HMCN1: variants seen among roughly 807,000 people sequenced by gnomAD.
HMCN1 encodes hemicentin-1.
Under a neutral mutation model 625.9 loss-of-function variants are expected in HMCN1, and 321 were observed. That is an observed-to-expected ratio of 0.51 (90% confidence interval 0.47 to 0.56). The LOEUF is 0.56. HMCN1 is among the 20% of genes least tolerant of loss of function. The probability of loss-of-function intolerance (pLI) is 0.00; values close to 1 mark genes in which losing one functional copy is unlikely to be tolerated. For missense variants in HMCN1, 6,588 were observed against 6,887.3 expected (o/e 0.96, Z 1.54); for synonymous variants, 2,425 against 2,417.6 (o/e 1.00, Z -0.09).
rs950774787 is a variant in HMCN1 at position 185,890,290 on chromosome 1, T to C, written c.622-19047T>C. Among the ~76,000 whole-genome samples the C allele has an allele frequency of 1.8e-4, 26 of 148,204 alleles. 3 individuals are homozygous for C. Among genetic ancestry groups the C allele is most frequent in the African/African-American group, 6.9e-4 (26 of 37,622 alleles). On this transcript the variant is annotated intron_variant, in intron 4 of 106. Transcript: ENST00000271588. ...CTGGATTCATTAATTTTTTGAAAGG[T>C]TTTTTGTGTCTCAATTTCCTTCAGT...
intron 4 of HMCN1, among the ~76,000 whole-genome samples, chr1:185,879,815 T>A (rs1053601274): frequency 6.6e-6 from 1 of 152,074 alleles, no homozygotes; most frequent in African/African-American, 2.4e-5. Context: ...TTACAAGAGT[T>A]GAGGAGGTCA....
chr1:186,158,675 C>T lies in HMCN1; in HGVS notation c.15256+4688C>T, dbSNP rs568029171. ...ATATGGCTAGCCAGTTTTTCCAGCA[C>T]CATTTATTAAATAGGGAGTCCTTTC... On this transcript the variant is annotated intron_variant, in intron 97 of 106. Coordinates refer to ENST00000271588, the MANE Select transcript of HMCN1 (RefSeq NM_031935.3). Among the ~76,000 whole-genome samples, 772 of 152,112 alleles carry T rather than the reference C, an allele frequency of 5.1e-3. 8 individuals are homozygous for T. Among genetic ancestry groups the T allele is most frequent in the African/African-American group, 0.018 (729 of 41,404 alleles).
At chr1:185,826,336 C>T (rs560647226) in intron 1 of HMCN1, among the ~76,000 whole-genome samples, 1 of 152,252 alleles carries the variant, frequency 6.6e-6, no homozygotes, top group East Asian at 1.9e-4. Context: ...AAATGAAAAA[C>T]AGAAATTTAA....
At chr1:185,996,626 T>C (rs948773549) in intron 24 of HMCN1, among the ~76,000 whole-genome samples, 2 of 151,998 alleles carry the variant, frequency 1.3e-5, no homozygotes, top group Non-Finnish European at 2.9e-5. Flanking sequence ...GTATAGACTA[T>C]TGTAGTAGCC....
intron 1 of HMCN1, among the ~76,000 whole-genome samples, chr1:185,827,248 A>C (rs1367886970): frequency 6.6e-6 from 1 of 151,928 alleles, no homozygotes; most frequent in Non-Finnish European, 1.5e-5. Context: ...GCTCAGGAGA[A>C]AATAATAGCT....
At chr1:185,740,973 A>G (rs541757181) in intron 1 of HMCN1, among the ~76,000 whole-genome samples, 2 of 152,184 alleles carry the variant, frequency 1.3e-5, no homozygotes, top group African/African-American at 4.8e-5. Flanking sequence ...AAGCCTGGGC[A>G]ATAGAGGAAG....
intron 15 of HMCN1, among the ~76,000 whole-genome samples, chr1:185,977,430 C>G (rs1277265886): frequency 3.9e-5 from 6 of 152,040 alleles, no homozygotes; most frequent in African/African-American, 1.4e-4. Flanking sequence ...ATAAAGCCAA[C>G]TTATTTATAA....
intron 1 of HMCN1, among the ~76,000 whole-genome samples, chr1:185,766,989 A>C (rs1165420984): frequency 6.6e-6 from 1 of 151,748 alleles, no homozygotes; most frequent in Non-Finnish European, 1.5e-5. Flanking sequence ...TTTGAGGAAA[A>C]AATAGAATTC....
intron 1 of HMCN1, among the ~76,000 whole-genome samples, chr1:185,750,640 T>C (rs543842987): frequency 1.3e-5 from 2 of 152,320 alleles, no homozygotes; most frequent in African/African-American, 2.4e-5. Context: ...CCATATCTGA[T>C]TGGTATTTGT....
At chr1:185,920,518 C>T (rs747391571) in intron 6 of HMCN1, among the ~76,000 whole-genome samples, 2 of 152,092 alleles carry the variant, frequency 1.3e-5, no homozygotes, top group African/African-American at 4.8e-5. Context: ...TCTTATTTTG[C>T]ATACTTTATT....
chr1:185,980,853 T>C (rs1651579499), intron 16 of HMCN1, 125 bp from the exon 17 acceptor site: 1 of 758,758 alleles, frequency 1.3e-6, no homozygotes, highest in Admixed American at 1.7e-5. Flanking sequence ...CTGGTTTCTG[T>C]GTATGTCCCT....
chr1:186,145,529 G>C lies in HMCN1; in HGVS notation c.14393G>C (p.Gly4798Ala). The C allele has an allele frequency of 6.2e-7, 1 of 1,614,082 alleles. No homozygotes were observed. The highest frequency in any genetic ancestry group is 2.2e-5 in the East Asian group (1 of 44,854). Reference sequence around the variant, plus strand: ...TCCAATGGGGGAAGAGCTTGTGGGGGACCAGACTCCCAGATCCAGAGGTGC... The same window carrying C: ...TCCAATGGGGGAAGAGCTTGTGGGGCACCAGACTCCCAGATCCAGAGGTGC... ...PPSNGGRACG[G>A]PDSQIQRCNT... Residue 4798 changes from glycine to alanine, a missense_variant, in exon 92 of 107, where the codon GGA (glycine) becomes GCA (alanine). By Grantham distance (60) the Gly-to-Ala change is moderately conservative. This residue lies in a region of HMCN1 where 1,954 missense variants were observed against 2,013.1 expected (regional missense o/e 0.97). Coordinates refer to ENST00000271588, the MANE Select transcript of HMCN1 (RefSeq NM_031935.3).
chr1:186,068,868 C>CA (rs397862240), intron 50 of HMCN1, among the ~76,000 whole-genome samples: 1,723 of 75,714 alleles, frequency 0.023, 21 homozygotes, highest in Non-Finnish European at 0.027. Flanking sequence ...GACTCGGTCT[C>CA]AAAAAAAAAA....
intron 23 of HMCN1, among the ~76,000 whole-genome samples, chr1:185,994,449 T>C (rs557617365): frequency 7.2e-5 from 11 of 152,300 alleles, no homozygotes; most frequent in African/African-American, 1.9e-4. Context: ...ATAGAAATTA[T>C]CTGCATTGCC....
At position 186,187,967 on chromosome 1, in the gene HMCN1, A is replaced by T. The variant is rs2102683447; in HGVS notation, c.16499A>T (p.Asp5500Val). The part of the protein sequence containing the change: ...FNMRGSYQCI[D>V]TPCPPNYQRD... ...ATGAGAGGAAGCTACCAGTGCATCG[A>T]TACACCCTGTCCACCCAACTACCAA... Residue 5500 changes from aspartate (D) to valine (V), a missense_variant, in exon 106 of 107, where the codon GAT (aspartate) becomes GTT (valine). By Grantham distance (152) the Asp-to-Val change is radical. Transcript: ENST00000271588. 2.5e-6 allele frequency: 4 copies of T among 1,613,838 alleles called. No individual in the cohort carries two copies. In the Admixed American group the frequency reaches 5.0e-5, roughly 20 times the overall value.
chr1:186,018,310 ACTG>A lies in HMCN1; in HGVS notation c.5432_5434del (p.Ala1811del). Reference sequence around the variant, plus strand: ...CCTTTATCGGTGCATGGCAGCAAATACTGCTGGAGACCACAAGAAGGAATTTGA... The same window carrying A: ...CCTTTATCGGTGCATGGCAGCAAATACTGGAGACCACAAGAAGGAATTTGA... On this transcript the variant is annotated inframe_deletion, in exon 34 of 107. Transcript: ENST00000271588. The A allele has an allele frequency of 6.2e-7, 1 of 1,612,920 alleles. No homozygotes were observed. The highest frequency in any genetic ancestry group is 8.5e-7 in the Non-Finnish European group (1 of 1,179,104).
intron 68 of HMCN1, among the ~76,000 whole-genome samples, chr1:186,102,170 C>G (rs1660410812): frequency 6.6e-6 from 1 of 152,072 alleles, no homozygotes; most frequent in Non-Finnish European, 1.5e-5. Context: ...CCATTAAAAT[C>G]TTTTAAGCAG....
intron 76 of HMCN1, 33 bp from the exon 77 acceptor site, chr1:186,117,426 T>C: frequency 1.2e-6 from 2 of 1,607,276 alleles, no homozygotes; most frequent in Non-Finnish European, 1.7e-6. Context: ...AAATGTGTAG[T>C]TTTTTCCCTT....
intron 15 of HMCN1, among the ~76,000 whole-genome samples, chr1:185,977,066 C>T (rs139950236): frequency 1.6e-3 from 239 of 152,168 alleles, no homozygotes; most frequent in African/African-American, 5.5e-3. Context: ...CCTCCCTGAT[C>T]TCTGTGGTTA....
Sources: gnomAD v4.1 joint callset for allele counts (sites outside exome capture counted in the v4.1 genomes callset) on GRCh38, gnomAD v4.1.1 for gene constraint, gnomAD v4.1.1 regional missense constraint, MANE v1.5 for transcripts, NCBI Gene and HGNC (gene_info 2026-07-23, HGNC 2026-07-21) for gene names.